ABR: variants seen among roughly 807,000 people sequenced by gnomAD.
ABR encodes ABR activator of RhoGEF and GTPase, also known as active breakpoint cluster region-related protein.
A neutral mutation model predicts 107.2 loss-of-function variants in ABR; 35 were observed. The observed-to-expected ratio is 0.33, with a 90% confidence interval of 0.25 to 0.43. ABR has a LOEUF of 0.43. ABR is among the 20% of genes least tolerant of loss of function. The pLI is 1.00. For missense variants in ABR, 815 were observed against 1,115.2 expected (o/e 0.73, Z 3.83); for synonymous variants, 498 against 462.0 (o/e 1.08, Z -1.00).
intron 1 of ABR, among the ~76,000 whole-genome samples, chr17:1,205,939 T>C (rs2150730350): frequency 6.7e-6 from 1 of 148,822 alleles, no homozygotes; most frequent in African/African-American, 2.5e-5. Flanking sequence ...AGACTCCGAC[T>C]CGAAAAAAGA....
At position 1,166,212 on chromosome 17, in the gene ABR, G is replaced by A. The variant is rs1021583298; in HGVS notation, c.61+13455C>T. On this transcript the variant is annotated intron_variant, in intron 1 of 22. Transcript: ENST00000302538. ...ACGTTCAAAGCAGGACAGGCAAGTC[G>A]TCTGACTCCACGCGGCTGCAAGGCT... Among the ~76,000 whole-genome samples the A allele has an allele frequency of 8.5e-5, 13 of 152,134 alleles. 1 individual carries two copies. Among genetic ancestry groups the A allele is most frequent in the African/African-American group, 2.9e-4 (12 of 41,424 alleles).
chr17:1,160,272 CA>C (rs951714887), intron 1 of ABR, among the ~76,000 whole-genome samples: 10 of 111,730 alleles, frequency 9.0e-5, no homozygotes, highest in East Asian at 2.9e-4. Context: ...AAAACAATAA[CA>C]AAAAAAAACC....
intron 16 of ABR, among the ~76,000 whole-genome samples, chr17:1,019,207 T>G (rs1454476645): frequency 6.6e-6 from 1 of 152,190 alleles, no homozygotes; most frequent in South Asian, 2.1e-4. Context: ...CTGCACCTCC[T>G]GATGCTAAGG....
chr17:1,172,978 CACATCACCTCAGTCCACCCA>C (rs2041775101), intron 1 of ABR, among the ~76,000 whole-genome samples: 2 of 48,662 alleles, frequency 4.1e-5, no homozygotes, highest in Non-Finnish European at 1.3e-4. Context: ...GCCCACCCAA[CACATCACCTCAGTCCACCCA>C]ACACATCACC....
intron 1 of ABR, among the ~76,000 whole-genome samples, chr17:1,176,216 G>A (rs9901557): frequency 0.015 from 2,332 of 152,280 alleles, 46 homozygotes; most frequent in African/African-American, 0.052. Context: ...TGGGCTCCAG[G>A]CCCAGCCCCC....
chr17:1,074,773 C>T (rs2035564130), intron 6 of ABR, among the ~76,000 whole-genome samples: 1 of 152,192 alleles, frequency 6.6e-6, no homozygotes, highest in African/African-American at 2.4e-5. Context: ...CAGTGAAACC[C>T]CATCTCTATT....
chr17:1,027,230 G>A lies in ABR; in HGVS notation c.1792-14066C>T, dbSNP rs1249327572. 1.3e-5 allele frequency among the ~76,000 whole-genome samples: 2 copies of A among 152,292 alleles called. No individual in the cohort carries two copies. Among genetic ancestry groups the A allele is most frequent in the South Asian group, 2.1e-4 (1 of 4,826 alleles). On this transcript the variant is annotated intron_variant, in intron 16 of 22. Transcript: ENST00000302538. This position sits in a 1 kb window ranked among gnomAD's most constrained non-coding sequence, Gnocchi z 4.7. ...AGAGCCATCCAAAAGCTGGGGCACC[G>A]CGCCCAGCACCGCTGGCTGGCCAAG...
intron 4 of ABR, 116 bp downstream of exon 4, chr17:1,091,549 G>A: frequency 8.3e-7 from 1 of 1,204,648 alleles, no homozygotes; most frequent in South Asian, 1.5e-5. Context: ...GACTCGGAGA[G>A]GTCTCAGGCC....
chr17:1,158,007 C>T (rs776857266), intron 1 of ABR, among the ~76,000 whole-genome samples: 1 of 152,092 alleles, frequency 6.6e-6, no homozygotes, highest in Admixed American at 6.6e-5. Flanking sequence ...GTATGTGTGT[C>T]GCGTTGCAGC....
intron 1 of ABR, among the ~76,000 whole-genome samples, chr17:1,141,965 C>G (rs572102930): frequency 7.4e-4 from 112 of 152,096 alleles, no homozygotes; most frequent in African/African-American, 2.6e-3. Flanking sequence ...ACCATGTTAG[C>G]CAGGATGGTC....
chr17:1,045,352 ATCTTCT>A (rs2031400061), intron 16 of ABR, among the ~76,000 whole-genome samples: 1 of 138,168 alleles, frequency 7.2e-6, no homozygotes, highest in Non-Finnish European at 1.6e-5. Flanking sequence ...ACAATCTTCC[ATCTTCT>A]TACAGCAGGA....
intron 1 of ABR, among the ~76,000 whole-genome samples, chr17:1,135,377 CTTTTTT>C (rs71148437): frequency 1.9e-5 from 1 of 51,382 alleles, no homozygotes; most frequent in Admixed American, 2.3e-4. Context: ...TTCTTTTTGT[CTTTTTT>C]TTTTTTTTTT....
chr17:1,023,248 C>T (rs2071867323), intron 16 of ABR, among the ~76,000 whole-genome samples: 1 of 152,256 alleles, frequency 6.6e-6, no homozygotes, highest in African/African-American at 2.4e-5. Context: ...GCTTTTAGCC[C>T]CCGGGCTGGG....
chr17:1,193,319 C>T (rs942501381), intron 1 of ABR, among the ~76,000 whole-genome samples: 5 of 151,612 alleles, frequency 3.3e-5, no homozygotes, highest in Admixed American at 2.0e-4. Flanking sequence ...GCTCTCCCGG[C>T]GAGTTTGCTG....
chr17:1,038,151 C>T (rs1402752005), intron 16 of ABR, among the ~76,000 whole-genome samples: 1 of 152,152 alleles, frequency 6.6e-6, no homozygotes, highest in Non-Finnish European at 1.5e-5. Context: ...ACGTCCCTCC[C>T]CGGAATTCCC....
chr17:1,217,648 G>A (rs1053577218), intron 1 of ABR, among the ~76,000 whole-genome samples: 16 of 152,188 alleles, frequency 1.1e-4, no homozygotes, highest in African/African-American at 3.9e-4. Flanking sequence ...TGGCAGAGCC[G>A]TGAATCGAAC....
Position 1,211,107 on chromosome 17 carries a change from G to A in ABR, c.838+17686C>T, listed in dbSNP as rs554040866. Among the ~76,000 whole-genome samples, 8 of 152,140 alleles carry A rather than the reference G, an allele frequency of 5.3e-5. No homozygotes were observed. The South Asian group carries it at 6.2e-4, about 12-fold the overall frequency. ...AGCCTGTCCAATATGGTGAAACCCC[G>A]TCTCTACTAAAAAATACAAAAATTA... On this transcript the variant is annotated intron_variant, in intron 1 of 22. Transcript: ENST00000574139.
chr17:1,092,872 C>T lies in ABR; in HGVS notation c.346-1022G>A, dbSNP rs2037126880. Among the ~76,000 whole-genome samples the T allele has an allele frequency of 1.3e-5, 2 of 149,446 alleles. No individual in the cohort carries two copies. Among genetic ancestry groups the T allele is most frequent in the Admixed American group, 1.3e-4 (2 of 15,084 alleles). ...TGGAGACGGAGTCTCGCTCTGTCGC[C>T]CAGGCTGGAGTGCAGTGGTGCGATC... On this transcript the variant is annotated intron_variant, in intron 3 of 22. Transcript: ENST00000302538. The surrounding 1 kb of genome is among the most constrained non-coding windows in gnomAD (Gnocchi z 4.6).
At chr17:1,007,484 A>AG (rs1266596671) in intron 21 of ABR, among the ~76,000 whole-genome samples, 172 bp from the exon 22 acceptor site, 3 of 152,088 alleles carry the variant, frequency 2.0e-5, no homozygotes, top group African/African-American at 7.2e-5. Flanking sequence ...CATCCAGGAG[A>AG]GCAGGGCCCC....
Sources: allele counts gnomAD v4.1 joint callset (sites outside exome capture counted in the v4.1 genomes callset), GRCh38; gene constraint gnomAD v4.1.1; non-coding constraint Gnocchi (gnomAD v3.1); transcripts MANE v1.5; gene names NCBI Gene and HGNC (gene_info 2026-07-23, HGNC 2026-07-21).